Variants in FHIT observed in about 807,000 individuals in gnomAD.
The protein encoded by FHIT is fragile histidine triad diadenosine triphosphatase, also known as bis(5'-adenosyl)-triphosphatase.
A neutral mutation model predicts 17.9 loss-of-function variants in FHIT; 19 were observed. The ratio of observed to expected loss-of-function variants is 1.06; its 90% CI spans 0.74 to 1.56. The LOEUF is 1.56. Ranked by LOEUF, FHIT falls within the 40% of genes most tolerant of loss-of-function variation. FHIT has a pLI of 0.00. For synonymous variants in FHIT, 81 were observed against 69.7 expected (o/e 1.16, Z -0.81); for missense variants, 248 against 189.2 (o/e 1.31, Z -1.82).
chr3:60,842,641 A>ATTTTT (rs1702772960), intron 3 of FHIT, among the ~76,000 whole-genome samples: 9 of 47,186 alleles, frequency 1.9e-4, no homozygotes, highest in African/African-American at 4.5e-4. Flanking sequence ...ATATATATAT[A>ATTTTT]TATATTTTTT....
chr3:59,749,752 C>T lies in FHIT; in HGVS notation c.*6-173G>A, dbSNP rs528449198. On this transcript the variant is annotated intron_variant, in intron 9 of 9. Transcript: ENST00000492590. ...GCTTAATTACAACTATATTTCTGTCCAGAACCCAGCATCTAATTCTTGTTA... is the reference window on the plus strand; with the variant it reads ...GCTTAATTACAACTATATTTCTGTCTAGAACCCAGCATCTAATTCTTGTTA... The T allele has an allele frequency of 2.2e-5, 5 of 228,180 alleles. No individual in the cohort carries two copies. In the South Asian group the frequency reaches 5.5e-4, roughly 25 times the overall value. The allele number at this position is 228,180 out of a possible 1,614,324, so 14.1% of individuals were successfully genotyped here. A position where few individuals can be genotyped will look rare whatever the true frequency, so the allele number is the denominator to read the frequency against.
intron 2 of FHIT, among the ~76,000 whole-genome samples, chr3:61,121,903 A>T (rs939419946): frequency 6.6e-6 from 1 of 152,314 alleles, no homozygotes; most frequent in African/African-American, 2.4e-5. Flanking sequence ...AAGCAAATGG[A>T]AAGCAAAAAA....
chr3:60,349,571 T>C lies in FHIT; in HGVS notation c.103+187289A>G, dbSNP rs543526311. Among the ~76,000 whole-genome samples the C allele has an allele frequency of 3.3e-5, 5 of 152,304 alleles. No individual in the cohort carries two copies. The South Asian group carries it at 6.2e-4, about 19-fold the overall frequency. ...AAGCAAACATATTCCAAAAGATTCA[T>C]TGTAAGTCTAAGTTTTTCAGAAGGT... On this transcript the variant is annotated intron_variant, in intron 5 of 9. Coordinates refer to ENST00000492590, the MANE Select transcript of FHIT (RefSeq NM_002012.4).
chr3:59,756,695 G>A (rs372340131), intron 8 of FHIT, among the ~76,000 whole-genome samples: 3 of 152,254 alleles, frequency 2.0e-5, no homozygotes, highest in East Asian at 1.9e-4. Context: ...TAACTAGGTT[G>A]TTCCCAAAGT....
chr3:61,041,054 T>C (rs545943989), intron 3 of FHIT, among the ~76,000 whole-genome samples: 21 of 152,104 alleles, frequency 1.4e-4, no homozygotes, highest in Non-Finnish European at 1.2e-4. Context: ...GTTTAGAACT[T>C]ACTAAAACAA....
intron 5 of FHIT, among the ~76,000 whole-genome samples, chr3:60,157,883 T>TGAC (rs567063639): frequency 5.3e-4 from 81 of 152,044 alleles, no homozygotes; most frequent in African/African-American, 1.8e-3. Flanking sequence ...TTTGCTTTAG[T>TGAC]GACCTTGTGA....
At chr3:60,198,932 G>A (rs1702769422) in intron 5 of FHIT, among the ~76,000 whole-genome samples, 1 of 152,132 alleles carries the variant, frequency 6.6e-6, no homozygotes, top group African/African-American at 2.4e-5. Context: ...TGGAGCACAG[G>A]ATCATTAACA....
chr3:60,565,142 A>G (rs1270421225), intron 4 of FHIT, among the ~76,000 whole-genome samples: 2 of 152,166 alleles, frequency 1.3e-5, no homozygotes, highest in Non-Finnish European at 2.9e-5. Context: ...AGGTATGTAC[A>G]CTTTTTAGGA....
chr3:59,983,409 G>C (rs1708742223), intron 7 of FHIT, among the ~76,000 whole-genome samples: 1 of 152,078 alleles, frequency 6.6e-6, no homozygotes, highest in African/African-American at 2.4e-5. Flanking sequence ...TAAGTGACTA[G>C]AGTACAATAT....
intron 7 of FHIT, among the ~76,000 whole-genome samples, chr3:59,954,787 C>A (rs1246813067): frequency 2.6e-5 from 4 of 152,156 alleles, no homozygotes; most frequent in African/African-American, 9.6e-5. Flanking sequence ...TAGGAGGGAC[C>A]AGGGAGATGG....
At chr3:60,302,478 CT>C (rs1708494004) in intron 5 of FHIT, among the ~76,000 whole-genome samples, 1 of 152,074 alleles carries the variant, frequency 6.6e-6, no homozygotes, top group South Asian at 2.1e-4. Flanking sequence ...TCTTTTCTTC[CT>C]CCACATCTCA....
chr3:60,675,647 T>A (rs1716717), intron 4 of FHIT, among the ~76,000 whole-genome samples: 6 of 152,062 alleles, frequency 3.9e-5, no homozygotes, highest in African/African-American at 9.7e-5. Flanking sequence ...AGCAGTAGTC[T>A]GCTCTCTTTT....
chr3:60,351,436 A>G (rs140116232), intron 5 of FHIT, among the ~76,000 whole-genome samples: 133 of 152,302 alleles, frequency 8.7e-4, no homozygotes, highest in African/African-American at 3.1e-3. Context: ...AAAATGAGAA[A>G]GGCACATTTT....
At chr3:60,793,316 T>G (rs1406631296) in intron 4 of FHIT, among the ~76,000 whole-genome samples, 1 of 152,056 alleles carries the variant, frequency 6.6e-6, no homozygotes, top group African/African-American at 2.4e-5. Flanking sequence ...TTCTTTTTTT[T>G]TTTGAGACAG....
At chr3:60,043,978 A>T (rs1701549963) in intron 5 of FHIT, among the ~76,000 whole-genome samples, 1 of 152,160 alleles carries the variant, frequency 6.6e-6, no homozygotes, top group African/African-American at 2.4e-5. Context: ...TTGAACATCT[A>T]CTCGACCCTA....
At chr3:61,168,927 C>G (rs967854603) in intron 2 of FHIT, among the ~76,000 whole-genome samples, 3 of 130,386 alleles carry the variant, frequency 2.3e-5, no homozygotes, top group Non-Finnish European at 4.9e-5. Flanking sequence ...CTAGTTTTTC[C>G]CATGTTTTGT....
Position 60,446,997 on chromosome 3 carries a change from A to G in FHIT, c.103+89863T>C, listed in dbSNP as rs185701920. Among the ~76,000 whole-genome samples, 185 of 152,042 alleles carry G rather than the reference A, an allele frequency of 1.2e-3. 2 individuals carry two copies. The highest frequency in any genetic ancestry group is 4.4e-3 in the African/African-American group (183 of 41,486). On this transcript the variant is annotated intron_variant, in intron 5 of 9. Coordinates refer to ENST00000492590, the MANE Select transcript of FHIT (RefSeq NM_002012.4). ...GCTGCTTTGGCAGACCCAAACTTCTATGCTTGTCTCTTCAGCCTTATGAGA... is the reference window on the plus strand; with the variant it reads ...GCTGCTTTGGCAGACCCAAACTTCTGTGCTTGTCTCTTCAGCCTTATGAGA...
At chr3:59,976,524 G>C (rs374399203) in intron 7 of FHIT, among the ~76,000 whole-genome samples, 6 of 151,896 alleles carry the variant, frequency 4.0e-5, no homozygotes, top group African/African-American at 1.5e-4. Flanking sequence ...CTATGTCATG[G>C]AGGGGTCATA....
chr3:61,166,052 T>G (rs1576135380), intron 2 of FHIT, among the ~76,000 whole-genome samples: 1 of 152,188 alleles, frequency 6.6e-6, no homozygotes, highest in Admixed American at 6.5e-5. Context: ...AAAGCGTGCA[T>G]AGGGCTCTTA....
Sources: gnomAD v4.1 joint callset for allele counts (sites outside exome capture counted in the v4.1 genomes callset) on GRCh38, gnomAD v4.1.1 for gene constraint, MANE v1.5 for transcripts, NCBI Gene and HGNC (gene_info 2026-07-23, HGNC 2026-07-21) for gene names.